SNX10: variants seen among roughly 807,000 people sequenced by gnomAD.
The protein encoded by SNX10 is sorting nexin-10.
SNX10 carries 25 observed loss-of-function variants against 28.5 expected under a neutral mutation model. The observed-to-expected ratio is 0.88, with a 90% CI of 0.64 to 1.22. The LOEUF (loss-of-function observed/expected upper bound fraction) is 1.22, where lower values mean the gene tolerates loss of function less well. Among genes scored for constraint, SNX10 ranks in the 50% most tolerant of loss-of-function variants. The probability of loss-of-function intolerance (pLI) is 0.00; values close to 1 mark genes in which losing one functional copy is unlikely to be tolerated. For missense variants in SNX10, 223 were observed against 242.6 expected, an observed-to-expected ratio of 0.92 and a Z score of 0.54; for synonymous variants, 62 against 81.4, an observed-to-expected ratio of 0.76 and a Z score of 1.28.
chr7:26,300,836 T>G (rs1404163583), intron 1 of SNX10, among the ~76,000 whole-genome samples: 2 of 151,882 alleles, frequency 1.3e-5, no homozygotes, highest in Non-Finnish European at 2.9e-5. Context: ...CTGGCCAACA[T>G]GGCGAAACCC....
rs542128699 is a variant in SNX10, at chr7:26,339,735, C to T, written c.-23-6685C>T. On this transcript the variant is annotated intron_variant, in intron 1 of 6. Coordinates refer to ENST00000338523, the MANE Select transcript of SNX10 (RefSeq NM_013322.3). ...CTAATTTTTCTATTTTTAGTAGAGA[C>T]GGGGTTTCACCATATTGGCCAGGGT... Among the ~76,000 whole-genome samples the T allele has an allele frequency of 5.9e-5, 9 of 151,660 alleles. No homozygotes were observed. In the South Asian group the frequency reaches 1.0e-3, roughly 18 times the overall value.
intron 1 of SNX10, among the ~76,000 whole-genome samples, chr7:26,316,215 A>G (rs1407552679): frequency 6.6e-6 from 1 of 152,018 alleles, no homozygotes; most frequent in Non-Finnish European, 1.5e-5. Context: ...CCTAGAGTAA[A>G]AAAAATGGGA....
At position 26,373,736 on chromosome 7, in the gene SNX10, T is replaced by G. The variant is rs955329075; in HGVS notation, c.*1164T>G. On this transcript the variant is annotated 3_prime_UTR_variant, in exon 7 of 7. Coordinates refer to ENST00000338523, the MANE Select transcript of SNX10 (RefSeq NM_013322.3). The surrounding 1 kb of genome is among the most constrained non-coding windows in gnomAD (Gnocchi z 4.2). Reference sequence around the variant, plus strand: ...TTCTGTGAAACTAACAGGAAGATATTTTCAGATAACTAGGATAACTTGTTG... The same window carrying G: ...TTCTGTGAAACTAACAGGAAGATATGTTCAGATAACTAGGATAACTTGTTG... The G allele has an allele frequency of 3.9e-5, 6 of 152,060 alleles. No individual in the cohort carries two copies. The highest frequency in any genetic ancestry group is 1.4e-4 in the African/African-American group (6 of 41,442). The allele number at this position is 152,060 out of a possible 1,614,324, so 9.4% of individuals were successfully genotyped here.
chr7:26,346,882 AAC>A (rs1379700372), intron 2 of SNX10, among the ~76,000 whole-genome samples: 3 of 152,238 alleles, frequency 2.0e-5, no homozygotes, highest in Non-Finnish European at 4.4e-5. Flanking sequence ...GGTTTCATAC[AAC>A]ACTGGCAAAA....
intron 1 of SNX10, among the ~76,000 whole-genome samples, chr7:26,308,642 C>G (rs1002126606): frequency 6.6e-6 from 1 of 152,088 alleles, no homozygotes; most frequent in African/African-American, 2.4e-5. Flanking sequence ...CCATCTGTGT[C>G]CTTTGTACTA....
At chr7:26,310,184 G>A (rs1345187901) in intron 1 of SNX10, among the ~76,000 whole-genome samples, 1 of 152,190 alleles carries the variant, frequency 6.6e-6, no homozygotes, top group Admixed American at 6.5e-5. Context: ...GGGCTGGCCC[G>A]AGAGGCGGGC....
chr7:26,355,285 A>T (rs1266623578), intron 2 of SNX10, among the ~76,000 whole-genome samples: 3 of 152,100 alleles, frequency 2.0e-5, no homozygotes, highest in African/African-American at 7.2e-5. Flanking sequence ...TTTTTCAAAA[A>T]TTTTTTGGCT....
intron 1 of SNX10, among the ~76,000 whole-genome samples, chr7:26,342,100 C>G (rs1347986950): frequency 6.7e-6 from 1 of 149,206 alleles, no homozygotes; most frequent in Non-Finnish European, 1.5e-5. Context: ...GATCTTGGCT[C>G]ACTGCAACCT....
At chr7:26,318,623 A>G (rs1354742814) in intron 1 of SNX10, among the ~76,000 whole-genome samples, 3 of 152,126 alleles carry the variant, frequency 2.0e-5, no homozygotes, top group Non-Finnish European at 2.9e-5. Context: ...GCCTGCCGAA[A>G]AAAATGCTTC....
chr7:26,324,684 C>T (rs911495054), intron 1 of SNX10, among the ~76,000 whole-genome samples: 2 of 151,912 alleles, frequency 1.3e-5, no homozygotes, highest in Admixed American at 6.6e-5. Context: ...TTCCAAGCAC[C>T]GTTCAAATGA....
chr7:26,372,705 G>A lies in SNX10; in HGVS notation c.*133G>A. The stretch of plus-strand genomic sequence containing the variant: ...AGGTATTTAAATTCTTAAAGATGTT[G>A]GGTTGTTTATTAGTGGTATTTTTAT... On this transcript the variant is annotated 3_prime_UTR_variant, in exon 7 of 7. Coordinates refer to ENST00000338523, the MANE Select transcript of SNX10 (RefSeq NM_013322.3). 1.6e-6 allele frequency: 1 copy of A among 613,726 alleles called. No homozygotes were observed. Among genetic ancestry groups the A allele is most frequent in the Admixed American group, 2.8e-5 (1 of 35,374 alleles). The allele number at this position is 613,726 out of a possible 1,614,324, so 38.0% of individuals were successfully genotyped here.
At chr7:26,351,448 A>G (rs983166255) in intron 2 of SNX10, among the ~76,000 whole-genome samples, 3 of 152,110 alleles carry the variant, frequency 2.0e-5, no homozygotes, top group Non-Finnish European at 2.9e-5. Context: ...CATGAGACAA[A>G]CATCAGACAA....
At chr7:26,302,573 G>C (rs943337991) in intron 1 of SNX10, among the ~76,000 whole-genome samples, 6 of 151,304 alleles carry the variant, frequency 4.0e-5, no homozygotes, top group Non-Finnish European at 5.9e-5. Flanking sequence ...CAGGACCCTC[G>C]GGTAATACCT....
At chr7:26,324,132 A>C (rs888823836) in intron 1 of SNX10, among the ~76,000 whole-genome samples, 1 of 152,184 alleles carries the variant, frequency 6.6e-6, no homozygotes, top group East Asian at 1.9e-4. Flanking sequence ...TCAACAATAC[A>C]GGTAACATCC....
rs962203493 is a variant in SNX10 at position 26,335,636 on chromosome 7, G to C, written c.-23-10784G>C. On this transcript the variant is annotated intron_variant, in intron 1 of 6. Coordinates refer to ENST00000338523, the MANE Select transcript of SNX10 (RefSeq NM_013322.3). ...CCTGGCACCACCACAGATGTGTCCAGTGCAGAGCCAAGGGCATAGGTAGTA... is the reference window on the plus strand; with the variant it reads ...CCTGGCACCACCACAGATGTGTCCACTGCAGAGCCAAGGGCATAGGTAGTA... Among the ~76,000 whole-genome samples, 6 of 152,032 alleles carry C rather than the reference G, an allele frequency of 3.9e-5. 2 individuals are homozygous for C. The South Asian group carries it at 1.2e-3, about 31-fold the overall frequency.
chr7:26,310,221 G>C (rs1786769401), intron 1 of SNX10, among the ~76,000 whole-genome samples: 1 of 152,196 alleles, frequency 6.6e-6, no homozygotes, highest in South Asian at 2.1e-4. Context: ...TCCCTTCCCA[G>C]GTGGTTGGGC....
chr7:26,317,234 G>A (rs1164290078), intron 1 of SNX10, among the ~76,000 whole-genome samples: 4 of 152,208 alleles, frequency 2.6e-5, no homozygotes, highest in Admixed American at 1.3e-4. Flanking sequence ...GACCTTGTTG[G>A]AGGGAGTGAG....
intron 1 of SNX10, among the ~76,000 whole-genome samples, chr7:26,307,857 G>A (rs1410574336): frequency 1.3e-5 from 2 of 152,096 alleles, no homozygotes; most frequent in African/African-American, 2.4e-5. Flanking sequence ...ATCACCCAAA[G>A]TGGACAGTCT....
At chr7:26,345,787 A>G (rs1788359721) in intron 1 of SNX10, among the ~76,000 whole-genome samples, 1 of 152,182 alleles carries the variant, frequency 6.6e-6, no homozygotes, top group South Asian at 2.1e-4. Context: ...TTTGGCAGGG[A>G]GCAGGTGTTA....
Sources: gnomAD v4.1 joint callset for allele counts (sites outside exome capture counted in the v4.1 genomes callset) on GRCh38, gnomAD v4.1.1 for gene constraint, Gnocchi (gnomAD v3.1) non-coding constraint, MANE v1.5 for transcripts, NCBI Gene and HGNC (gene_info 2026-07-23, HGNC 2026-07-21) for gene names.